The following IL6R variants were observed in gnomAD, a reference collection of about 807,000 sequenced individuals.
The protein encoded by IL6R is interleukin 6 receptor, also known as interleukin-6 receptor subunit alpha.
In IL6R, 38 loss-of-function variants were observed where a neutral mutation model predicts 48.3. The ratio of observed to expected loss-of-function variants is 0.79; its 90% CI spans 0.61 to 1.03. The LOEUF (loss-of-function observed/expected upper bound fraction) is 1.03, where lower values mean the gene tolerates loss of function less well. Among genes scored for constraint, IL6R ranks in the 50% least tolerant of loss-of-function variants. The pLI, the probability that IL6R is intolerant of heterozygous loss-of-function variation, is 0.00. For missense variants in IL6R, 534 were observed against 618.3 expected (o/e 0.86, Z 1.45); for synonymous variants, 264 against 256.2 (o/e 1.03, Z -0.29).
intron 9 of IL6R, among the ~76,000 whole-genome samples, chr1:154,455,839 C>CT (rs1468434782): frequency 1.3e-5 from 2 of 151,648 alleles, no homozygotes; most frequent in African/African-American, 4.8e-5. Flanking sequence ...GGTGGATCAC[C>CT]TGAGGTCAGG....
At chr1:154,423,300 G>A (rs1367788133) in intron 1 of IL6R, among the ~76,000 whole-genome samples, 1 of 82,930 alleles carries the variant, frequency 1.2e-5, no homozygotes, top group Non-Finnish European at 2.8e-5. Flanking sequence ...CATTATAAGA[G>A]CAATATAGGC....
intron 1 of IL6R, among the ~76,000 whole-genome samples, chr1:154,409,100 C>T (rs548184089): frequency 1.4e-4 from 22 of 152,152 alleles, no homozygotes; most frequent in African/African-American, 3.9e-4. Context: ...TTTGCACTAC[C>T]GAATTCCAGT....
At chr1:154,419,007 G>A (rs1316253160) in intron 1 of IL6R, among the ~76,000 whole-genome samples, 1 of 152,098 alleles carries the variant, frequency 6.6e-6, no homozygotes, top group Non-Finnish European at 1.5e-5. Context: ...AGAGGGTGGT[G>A]GGGAGCCCAG....
chr1:154,463,676 T>C (rs748895423), intron 9 of IL6R, among the ~76,000 whole-genome samples: 8 of 152,214 alleles, frequency 5.3e-5, no homozygotes, highest in Non-Finnish European at 8.8e-5. Context: ...CTGGCCACCC[T>C]GGCACAGTTG....
chr1:154,439,397 C>G (rs895227079), intron 6 of IL6R, among the ~76,000 whole-genome samples: 3 of 152,190 alleles, frequency 2.0e-5, no homozygotes, highest in Admixed American at 6.5e-5. Context: ...TCAATGCAAC[C>G]TCTGCCTCCC....
chr1:154,428,940 A>G (rs1689130019), intron 1 of IL6R, among the ~76,000 whole-genome samples: 1 of 152,166 alleles, frequency 6.6e-6, no homozygotes, highest in South Asian at 2.1e-4. Flanking sequence ...GGATGGTGGC[A>G]GGCCCTTGAA....
chr1:154,408,416 G>A (rs1687851807), intron 1 of IL6R, among the ~76,000 whole-genome samples: 2 of 152,262 alleles, frequency 1.3e-5, no homozygotes, highest in East Asian at 1.9e-4. Flanking sequence ...CCTAAAAGGA[G>A]CCTGAAAATG....
At chr1:154,450,111 T>TGTGTGC in intron 8 of IL6R, 131 bp downstream of exon 8, 1 of 574,406 alleles carries the variant, frequency 1.7e-6, no homozygotes, top group Non-Finnish European at 3.2e-6. Flanking sequence ...GTTCTGTGTG[T>TGTGTGC]GTGTGTGTGT....
intron 1 of IL6R, among the ~76,000 whole-genome samples, chr1:154,422,061 C>T (rs1158214094): frequency 1.3e-5 from 2 of 152,138 alleles, no homozygotes; most frequent in Non-Finnish European, 2.9e-5. Context: ...ATTCTCCTGC[C>T]TCAGCCTCCT....
intron 2 of IL6R, 126 bp from the exon 3 acceptor site, chr1:154,430,357 A>G (rs1269073724): frequency 8.3e-7 from 1 of 1,211,144 alleles, no homozygotes; most frequent in Non-Finnish European, 1.1e-6. Flanking sequence ...GGTCCTGACT[A>G]GCTCCAGGGC....
At chr1:154,453,616 T>C (rs912897727) in intron 8 of IL6R, among the ~76,000 whole-genome samples, 10 of 152,242 alleles carry the variant, frequency 6.6e-5, no homozygotes, top group Non-Finnish European at 1.2e-4. Flanking sequence ...CTTTCCTTCA[T>C]TCAAAGAAAT....
At chr1:154,407,445 A>T (rs144692957) in intron 1 of IL6R, among the ~76,000 whole-genome samples, 14 of 152,302 alleles carry the variant, frequency 9.2e-5, no homozygotes, top group Middle Eastern at 3.4e-3. Flanking sequence ...TGAACAGCCC[A>T]TGAAAGGCAG....
intron 6 of IL6R, among the ~76,000 whole-genome samples, chr1:154,441,517 C>T (rs374937121): frequency 1.2e-4 from 19 of 152,262 alleles, no homozygotes; most frequent in Admixed American, 3.3e-4. Context: ...CTGCTGCTCC[C>T]CTCTCTGCTG....
intron 6 of IL6R, among the ~76,000 whole-genome samples, chr1:154,439,883 CTCTT>C (rs1689835855): frequency 6.6e-6 from 1 of 151,988 alleles, no homozygotes; most frequent in African/African-American, 2.4e-5. Flanking sequence ...CTTCCTTTGT[CTCTT>C]TCTGTCTCTC....
At chr1:154,413,477 T>C (rs1389050932) in intron 1 of IL6R, among the ~76,000 whole-genome samples, 1 of 152,244 alleles carries the variant, frequency 6.6e-6, no homozygotes, top group Non-Finnish European at 1.5e-5. Flanking sequence ...TGAGACAGAA[T>C]AGAAGTTGCA....
chr1:154,446,056 C>T (rs1464763547), intron 6 of IL6R, among the ~76,000 whole-genome samples: 1 of 152,090 alleles, frequency 6.6e-6, no homozygotes, highest in Non-Finnish European at 1.5e-5. Flanking sequence ...TGAGTCCGGC[C>T]TGCCCCCATC....
In IL6R at chr1:154,429,187, C is replaced by T; in HGVS notation, c.86-9C>T. ...TGTGGGCTCACCAAGTGTCTTCTCCCTCCTCCAGAGGTGGCGAGAGGCGTG... is the reference window on the plus strand; with the variant it reads ...TGTGGGCTCACCAAGTGTCTTCTCCTTCCTCCAGAGGTGGCGAGAGGCGTG... On this transcript the variant is annotated splice_polypyrimidine_tract_variant and intron_variant, in intron 1 of 9. Transcript: ENST00000368485. 1 of 1,604,836 alleles carries T rather than the reference C, an allele frequency of 6.2e-7. No homozygotes were observed.
chr1:154,459,206 A>G (rs1691102020), intron 9 of IL6R, among the ~76,000 whole-genome samples: 1 of 152,132 alleles, frequency 6.6e-6, no homozygotes, highest in African/African-American at 2.4e-5. Context: ...TTAGGTTGGG[A>G]ACAGACCTGG....
At chr1:154,446,824 T>C (rs1390686433) in intron 6 of IL6R, among the ~76,000 whole-genome samples, 1 of 152,236 alleles carries the variant, frequency 6.6e-6, no homozygotes, top group African/African-American at 2.4e-5. Context: ...CTTTCCATTT[T>C]CTTCTTCCTG....
Sources: gnomAD v4.1 joint callset for allele counts (sites outside exome capture counted in the v4.1 genomes callset) on GRCh38, gnomAD v4.1.1 for gene constraint, MANE v1.5 for transcripts, NCBI Gene and HGNC (gene_info 2026-07-23, HGNC 2026-07-21) for gene names.